The following TPH2 variants were observed in gnomAD, a reference collection of about 807,000 sequenced individuals.
TPH2 encodes tryptophan 5-hydroxylase 2.
A neutral mutation model predicts 59.1 loss-of-function variants in TPH2; 27 were observed. The ratio of observed to expected loss-of-function variants is 0.46; its 90% CI spans 0.34 to 0.63. The LOEUF (loss-of-function observed/expected upper bound fraction) is 0.63. Among genes scored for constraint, TPH2 ranks in the 30% least tolerant of loss-of-function variants. The probability of loss-of-function intolerance (pLI) is 0.01; values close to 1 mark genes in which losing one functional copy is unlikely to be tolerated. For missense variants in TPH2, 523 were observed against 588.3 expected, an observed-to-expected ratio of 0.89 and a Z score of 1.15; for synonymous variants, 220 against 210.5, an observed-to-expected ratio of 1.05 and a Z score of -0.39.
At chr12:71,960,475 A>C (rs1592387777) in intron 5 of TPH2, among the ~76,000 whole-genome samples, 1 of 152,234 alleles carries the variant, frequency 6.6e-6, no homozygotes, top group Non-Finnish European at 1.5e-5. Context: ...TGGGAGAATC[A>C]TTTTCATGCC....
chr12:72,002,236 T>A (rs1395288549), intron 8 of TPH2, among the ~76,000 whole-genome samples: 1 of 151,778 alleles, frequency 6.6e-6, no homozygotes, highest in African/African-American at 2.4e-5. Context: ...GCAAAGAGGG[T>A]CTGGCTGTTC....
chr12:71,969,323 T>C (rs1416071417), intron 5 of TPH2, among the ~76,000 whole-genome samples: 3 of 152,100 alleles, frequency 2.0e-5, no homozygotes, highest in Non-Finnish European at 4.4e-5. Context: ...CAAGGATATA[T>C]CGAAGGCCTT....
intron 4 of TPH2, 66 bp downstream of exon 4, chr12:71,944,752 G>C (rs2139179330): frequency 7.2e-7 from 1 of 1,386,270 alleles, no homozygotes; most frequent in East Asian, 2.3e-5. Flanking sequence ...CAGGCACTGT[G>C]CCATGTTCTG....
chr12:71,941,527 G>A, intron 1 of TPH2, 57 bp from the exon 2 acceptor site: 1 of 1,573,836 alleles, frequency 6.4e-7, no homozygotes, highest in South Asian at 1.1e-5. Flanking sequence ...TCTAATTACG[G>A]AGGATTCTGG....
At chr12:72,029,226 G>A (rs1366800035) in intron 9 of TPH2, among the ~76,000 whole-genome samples, 1 of 152,156 alleles carries the variant, frequency 6.6e-6, no homozygotes, top group Non-Finnish European at 1.5e-5. Flanking sequence ...GCTTAGCAAG[G>A]ATGTCCCAAG....
chr12:72,016,194 T>C (rs1873249697), intron 8 of TPH2, among the ~76,000 whole-genome samples: 1 of 152,208 alleles, frequency 6.6e-6, no homozygotes, highest in Non-Finnish European at 1.5e-5. Context: ...AGATAACATA[T>C]GTGAGAACAC....
intron 8 of TPH2, among the ~76,000 whole-genome samples, chr12:72,001,710 T>C (rs1324644146): frequency 8.5e-5 from 13 of 152,104 alleles, no homozygotes; most frequent in Non-Finnish European, 1.8e-4. Context: ...CTTAGAAACA[T>C]AATATGTGGA....
chr12:71,977,780 CAT>C (rs375431314), intron 6 of TPH2, among the ~76,000 whole-genome samples: 1 of 152,218 alleles, frequency 6.6e-6, no homozygotes, highest in African/African-American at 2.4e-5. Context: ...TGTATCAAAA[CAT>C]AAAGTTATAC....
At chr12:71,984,885 G>A (rs1319976084) in intron 7 of TPH2, among the ~76,000 whole-genome samples, 1 of 152,130 alleles carries the variant, frequency 6.6e-6, no homozygotes. Flanking sequence ...GGGCTATACC[G>A]AGGGCCAGTT....
At chr12:71,974,786 A>T (rs1033854336) in intron 6 of TPH2, among the ~76,000 whole-genome samples, 2 of 152,054 alleles carry the variant, frequency 1.3e-5, no homozygotes, top group African/African-American at 4.8e-5. Flanking sequence ...TATCATCCAA[A>T]TTGATGTCCT....
At chr12:71,982,257 G>A (rs1872307448) in intron 7 of TPH2, among the ~76,000 whole-genome samples, 3 of 151,450 alleles carry the variant, frequency 2.0e-5, no homozygotes, top group Non-Finnish European at 2.9e-5. Flanking sequence ...CATCTGCCTC[G>A]ACCTCCTAAA....
intron 4 of TPH2, 102 bp from the exon 5 acceptor site, chr12:71,949,486 C>T (rs1378672241): frequency 3.2e-6 from 3 of 935,206 alleles, no homozygotes; most frequent in South Asian, 2.7e-5. Flanking sequence ...ATAAGATTTA[C>T]ATATGAATTG....
chr12:71,939,913 G>A (rs1008589176), intron 1 of TPH2, among the ~76,000 whole-genome samples: 1 of 152,140 alleles, frequency 6.6e-6, no homozygotes, highest in South Asian at 2.1e-4. Context: ...AATTCAGTCT[G>A]TATCATAGAA....
chr12:71,939,969 C>T (rs149182401), intron 1 of TPH2, among the ~76,000 whole-genome samples: 366 of 152,200 alleles, frequency 2.4e-3, no homozygotes, highest in Middle Eastern at 0.01. Context: ...CAGAGGGCTG[C>T]GTTGGACTGA....
intron 2 of TPH2, 52 bp from the exon 3 acceptor site, chr12:71,944,242 C>G: frequency 6.3e-7 from 1 of 1,590,580 alleles, no homozygotes; most frequent in Non-Finnish European, 8.6e-7. Context: ...AAGCTCATGG[C>G]ATTCCTTTTA....
chr12:71,938,964 G>A lies in TPH2; in HGVS notation c.-23G>A, dbSNP rs372587174. The stretch of plus-strand genomic sequence containing the variant: ...CCCCTCTAGTACCCCCTGCTGCAGA[G>A]AAAGAATATTACACCGGGATCCATG... On this transcript the variant is annotated 5_prime_UTR_variant, in exon 1 of 11. Transcript: ENST00000333850. 27 of 1,602,458 alleles carry A rather than the reference G, an allele frequency of 1.7e-5. No homozygotes were observed. The highest frequency in any genetic ancestry group is 2.7e-5 in the African/African-American group (2 of 74,658).
chr12:72,004,698 G>C (rs1217101410), intron 8 of TPH2, among the ~76,000 whole-genome samples: 1 of 152,134 alleles, frequency 6.6e-6, no homozygotes, highest in African/African-American at 2.4e-5. Context: ...AAATATCTGT[G>C]GTGTAATTCC....
rs1441185368 is a variant in TPH2, at chr12:71,963,452, ATATATGTATG to A, written c.609-9061_609-9052del. Among the ~76,000 whole-genome samples the A allele has an allele frequency of 1.1e-4, 4 of 37,324 alleles. 2 individuals carry two copies. The highest frequency in any genetic ancestry group is 2.8e-4 in the Non-Finnish European group (4 of 14,490). The allele number at this position is 37,324 out of a possible 152,430, so 24.5% of individuals were successfully genotyped here. ...TGTGTGTATATACATACATATATAT[ATATATGTATG>A]TATATACACACATATATGTACTGCC... is the stretch of plus-strand genomic sequence containing the variant. On this transcript the variant is annotated intron_variant, in intron 5 of 10. Coordinates refer to ENST00000333850, the MANE Select transcript of TPH2 (RefSeq NM_173353.4).
chr12:72,026,634 C>T (rs1873575122), intron 9 of TPH2, among the ~76,000 whole-genome samples: 1 of 152,136 alleles, frequency 6.6e-6, no homozygotes, highest in Admixed American at 6.5e-5. Context: ...TCCTCCTGCT[C>T]TTTCTTCTCA....
Sources: allele counts gnomAD v4.1 joint callset (sites outside exome capture counted in the v4.1 genomes callset), GRCh38; gene constraint gnomAD v4.1.1; transcripts MANE v1.5; gene names NCBI Gene and HGNC (gene_info 2026-07-23, HGNC 2026-07-21).